Variants in SHANK2 observed in about 807,000 individuals in gnomAD.
SHANK2 encodes SH3 and multiple ankyrin repeat domains protein 2.
Under a neutral mutation model 133.7 loss-of-function variants are expected in SHANK2, and 43 were observed. The observed-to-expected ratio is 0.32, with a 90% CI of 0.25 to 0.41. The LOEUF (loss-of-function observed/expected upper bound fraction) is 0.41. Ranked by LOEUF, SHANK2 falls within the 10% of genes least tolerant of loss-of-function variation. SHANK2 has a pLI of 1.00. For missense variants in SHANK2, 1,994 were observed against 2,235.8 expected (o/e 0.89, Z 2.18); for synonymous variants, 1,017 against 952.8 (o/e 1.07, Z -1.24).
At chr11:71,229,765 G>GTAAAAAAAA (rs1954708250) in intron 1 of SHANK2, among the ~76,000 whole-genome samples, 1 of 116,536 alleles carries the variant, frequency 8.6e-6, no homozygotes, top group African/African-American at 3.0e-5. Context: ...TCTCAAAAAA[G>GTAAAAAAAA]AAAAAAAAAA....
chr11:70,778,480 G>A (rs571261160), intron 14 of SHANK2, among the ~76,000 whole-genome samples: 1 of 152,316 alleles, frequency 6.6e-6, no homozygotes, highest in Non-Finnish European at 1.5e-5. Context: ...AGTGTGACTG[G>A]ATTTGGAGAA....
chr11:71,199,029 A>G (rs1197880263), intron 2 of SHANK2, among the ~76,000 whole-genome samples: 1 of 152,152 alleles, frequency 6.6e-6, no homozygotes, highest in Non-Finnish European at 1.5e-5. Flanking sequence ...GGCGTATTCA[A>G]TGATGTGGCC....
At chr11:70,801,487 C>G (rs1948046559) in intron 13 of SHANK2, among the ~76,000 whole-genome samples, 1 of 152,174 alleles carries the variant, frequency 6.6e-6, no homozygotes. Flanking sequence ...GCCTTGAGTG[C>G]CTCCCTGACA....
chr11:70,614,862 G>A (rs1033726668), intron 17 of SHANK2, among the ~76,000 whole-genome samples: 2 of 152,192 alleles, frequency 1.3e-5, no homozygotes, highest in Admixed American at 6.5e-5. Flanking sequence ...TTAACAACAC[G>A]GGAGTACTGG....
chr11:70,787,712 C>T (rs1178140989), intron 14 of SHANK2, among the ~76,000 whole-genome samples: 1 of 152,076 alleles, frequency 6.6e-6, no homozygotes, highest in Non-Finnish European at 1.5e-5. Flanking sequence ...ATCATTACCA[C>T]CACCACCACC....
chr11:71,195,236 C>G (rs191680054), intron 2 of SHANK2, among the ~76,000 whole-genome samples: 45 of 152,056 alleles, frequency 3.0e-4, no homozygotes, highest in African/African-American at 1.0e-3. Context: ...ACTAAAAATA[C>G]AAAAAATTAG....
At chr11:70,788,608 G>A (rs190439667) in intron 14 of SHANK2, among the ~76,000 whole-genome samples, 7 of 152,242 alleles carry the variant, frequency 4.6e-5, no homozygotes, top group Non-Finnish European at 7.4e-5. Flanking sequence ...CCCATTTCAG[G>A]CACCCAATGG....
intron 10 of SHANK2, among the ~76,000 whole-genome samples, chr11:70,916,198 G>A (rs1042390901): frequency 7.9e-5 from 12 of 152,204 alleles, no homozygotes; most frequent in Admixed American, 4.6e-4. Context: ...ATTCTTGGCC[G>A]TCCCTTGCCT....
chr11:71,065,991 G>GGGGGGT (rs1951051687), intron 9 of SHANK2, among the ~76,000 whole-genome samples: 1 of 136,694 alleles, frequency 7.3e-6, no homozygotes, highest in Non-Finnish European at 1.6e-5. Context: ...AGTTGGGAGG[G>GGGGGGT]GAGTACAGAA....
chr11:70,930,889 G>T (rs1454576226), intron 10 of SHANK2, among the ~76,000 whole-genome samples: 1 of 150,954 alleles, frequency 6.6e-6, no homozygotes, highest in East Asian at 1.9e-4. Context: ...GTAGTCTGGG[G>T]CTCCTAGGCT....
intron 14 of SHANK2, among the ~76,000 whole-genome samples, chr11:70,756,842 T>A (rs1946886730): frequency 6.6e-6 from 1 of 152,204 alleles, no homozygotes; most frequent in Admixed American, 6.5e-5. Flanking sequence ...TTTACACAGA[T>A]CTGCAGCTTG....
chr11:70,646,838 T>C (rs1447733762), intron 17 of SHANK2, among the ~76,000 whole-genome samples: 3 of 74,802 alleles, frequency 4.0e-5, no homozygotes, highest in Non-Finnish European at 9.6e-5. Flanking sequence ...ATTTTATTTA[T>C]TTATTTATTT....
intron 17 of SHANK2, among the ~76,000 whole-genome samples, chr11:70,577,518 G>T (rs1396048736): frequency 6.6e-6 from 1 of 152,184 alleles, no homozygotes; most frequent in Admixed American, 6.5e-5. Flanking sequence ...ACAGGCGTGG[G>T]GTCCTGGCCA....
At chr11:70,785,111 C>G (rs1396518533) in intron 14 of SHANK2, among the ~76,000 whole-genome samples, 4 of 152,154 alleles carry the variant, frequency 2.6e-5, no homozygotes, top group African/African-American at 9.7e-5. Flanking sequence ...CCGTCCAGCA[C>G]AGACCTGATT....
At chr11:70,601,464 GC>G (rs1449330014) in intron 17 of SHANK2, among the ~76,000 whole-genome samples, 1 of 152,090 alleles carries the variant, frequency 6.6e-6, no homozygotes, top group Non-Finnish European at 1.5e-5. Flanking sequence ...TGATCCACCT[GC>G]CTCAGCCTCC....
intron 10 of SHANK2, among the ~76,000 whole-genome samples, chr11:70,923,694 A>G (rs1445349377): frequency 2.6e-5 from 4 of 152,072 alleles, no homozygotes; most frequent in African/African-American, 2.4e-5. Flanking sequence ...GACTACAAGT[A>G]TGCACCACCA....
intron 17 of SHANK2, among the ~76,000 whole-genome samples, chr11:70,582,831 C>A (rs80075892): frequency 0.027 from 4,076 of 152,318 alleles, 90 homozygotes; most frequent in East Asian, 0.09. Context: ...TGGGCCCTCT[C>A]CCTGGTGATC....
intron 10 of SHANK2, among the ~76,000 whole-genome samples, chr11:70,941,138 G>A (rs1175722038): frequency 2.0e-5 from 3 of 152,138 alleles, no homozygotes; most frequent in African/African-American, 7.2e-5. Flanking sequence ...ATTTAAACAT[G>A]CAGAACATTC....
chr11:70,893,081 C>A (rs1949876202), intron 11 of SHANK2, among the ~76,000 whole-genome samples: 1 of 152,220 alleles, frequency 6.6e-6, no homozygotes, highest in Non-Finnish European at 1.5e-5. Flanking sequence ...GTCGCCTAGG[C>A]TCTTCTACAC....
Sources: gnomAD v4.1 joint callset for allele counts (sites outside exome capture counted in the v4.1 genomes callset) on GRCh38, gnomAD v4.1.1 for gene constraint, MANE v1.5 for transcripts, NCBI Gene and HGNC (gene_info 2026-07-23, HGNC 2026-07-21) for gene names.